The following NINL variants were observed in gnomAD, a reference collection of about 807,000 sequenced individuals.
The protein encoded by NINL is ninein like.
A neutral mutation model predicts 160.3 loss-of-function variants in NINL; 153 were observed. The observed-to-expected ratio is 0.95, with a 90% CI of 0.84 to 1.09. The LOEUF (loss-of-function observed/expected upper bound fraction) is 1.09, where lower values mean the gene tolerates loss of function less well. NINL is among the 50% of genes least tolerant of loss of function. NINL has a pLI of 0.00. For synonymous variants in NINL, 800 were observed against 734.8 expected, an observed-to-expected ratio of 1.09 and a Z score of -1.43; for missense variants, 1,829 against 1,764.0, an observed-to-expected ratio of 1.04 and a Z score of -0.66.
At chr20:25,554,694 C>G (rs1021508705) in intron 1 of NINL, among the ~76,000 whole-genome samples, 11 of 149,098 alleles carry the variant, frequency 7.4e-5, no homozygotes, top group African/African-American at 2.7e-4. Context: ...GTAGTCCTAG[C>G]TATTCAGGAA....
intron 1 of NINL, among the ~76,000 whole-genome samples, chr20:25,561,383 CAA>C (rs1320275049): frequency 6.6e-6 from 1 of 152,116 alleles, no homozygotes; most frequent in Non-Finnish European, 1.5e-5. Context: ...ATCTCGGCTA[CAA>C]CCTCCACCTC....
intron 1 of NINL, among the ~76,000 whole-genome samples, chr20:25,533,553 T>C (rs879421392): frequency 1.3e-5 from 2 of 152,120 alleles, no homozygotes; most frequent in Non-Finnish European, 2.9e-5. Flanking sequence ...TTCCATACAG[T>C]AGTCAAATCA....
chr20:25,498,396 G>A, intron 8 of NINL, 50 bp from the exon 9 acceptor site: 1 of 1,602,962 alleles, frequency 6.2e-7, no homozygotes, highest in Non-Finnish European at 8.5e-7. Context: ...ACTTCCCCAA[G>A]CAGACACCTC....
intron 1 of NINL, among the ~76,000 whole-genome samples, chr20:25,555,997 C>T (rs2064861642): frequency 7.5e-6 from 1 of 132,900 alleles, no homozygotes; most frequent in South Asian, 2.6e-4. Flanking sequence ...AAAAAAAAAA[C>T]AGGCCGGACA....
At chr20:25,567,545 T>A (rs768355367) in intron 1 of NINL, among the ~76,000 whole-genome samples, 20 of 152,012 alleles carry the variant, frequency 1.3e-4, no homozygotes, top group Non-Finnish European at 2.8e-4. Context: ...CCTATCATAT[T>A]CAAACTGCAG....
intron 1 of NINL, among the ~76,000 whole-genome samples, chr20:25,574,352 C>G (rs948648312): frequency 6.6e-5 from 10 of 151,314 alleles, no homozygotes; most frequent in South Asian, 4.2e-4. Context: ...TGCCCACCAC[C>G]GTCTTTTTTT....
chr20:25,510,800 A>G, intron 4 of NINL, 60 bp from the exon 5 acceptor site: 1 of 1,284,394 alleles, frequency 7.8e-7, no homozygotes, highest in Non-Finnish European at 1.1e-6. Flanking sequence ...GGGACGGAGC[A>G]CCGGGAACAA....
chr20:25,579,285 G>A (rs935117132), intron 1 of NINL, among the ~76,000 whole-genome samples: 2 of 152,170 alleles, frequency 1.3e-5, no homozygotes, highest in East Asian at 1.9e-4. Flanking sequence ...CACTCTCTGT[G>A]TGTGAGATGG....
intron 19 of NINL, among the ~76,000 whole-genome samples, chr20:25,466,084 C>T (rs1047386600): frequency 6.6e-6 from 1 of 152,090 alleles, no homozygotes; most frequent in African/African-American, 2.4e-5. Flanking sequence ...TGCAGTGGTA[C>T]GATCTCTACT....
chr20:25,495,406 C>T (rs1254424884), intron 10 of NINL, among the ~76,000 whole-genome samples: 1 of 152,228 alleles, frequency 6.6e-6, no homozygotes, highest in Admixed American at 6.5e-5. Flanking sequence ...GCTAGCCACG[C>T]TCAGCTGAGC....
At chr20:25,474,367 T>C (rs1428860979) in intron 17 of NINL, among the ~76,000 whole-genome samples, 1 of 152,206 alleles carries the variant, frequency 6.6e-6, no homozygotes, top group Non-Finnish European at 1.5e-5. Context: ...TTTTGTGCCT[T>C]GTTAAGCCAC....
chr20:25,498,710 A>G (rs2063808916), intron 8 of NINL, among the ~76,000 whole-genome samples: 1 of 152,182 alleles, frequency 6.6e-6, no homozygotes, highest in African/African-American at 2.4e-5. Flanking sequence ...GAAATAATCT[A>G]TTTTAAGGAT....
intron 1 of NINL, among the ~76,000 whole-genome samples, chr20:25,547,333 G>T (rs2147079828): frequency 6.6e-6 from 1 of 152,286 alleles, no homozygotes; most frequent in South Asian, 2.1e-4. Context: ...CTTGGTCACA[G>T]CTTCATAATA....
intron 17 of NINL, among the ~76,000 whole-genome samples, chr20:25,472,323 GGATATATA>G (rs1266185269): frequency 1.8e-5 from 1 of 54,628 alleles, no homozygotes; most frequent in African/African-American, 6.7e-5. Flanking sequence ...TGGGAGGAGA[GGATATATA>G]TATATATATA....
chr20:25,506,268 A>G (rs963248678), intron 5 of NINL, among the ~76,000 whole-genome samples: 3 of 152,234 alleles, frequency 2.0e-5, no homozygotes, highest in African/African-American at 7.2e-5. Context: ...CTCAGAAAAA[A>G]AAGAGGGTGA....
At chr20:25,460,427 G>A (rs890611543) in intron 21 of NINL, among the ~76,000 whole-genome samples, 17 of 152,278 alleles carry the variant, frequency 1.1e-4, no homozygotes, top group East Asian at 3.9e-4. Context: ...GGTGGCAGGC[G>A]TGGCCCCAGG....
intron 1 of NINL, among the ~76,000 whole-genome samples, chr20:25,561,875 A>G (rs1219993885): frequency 6.7e-6 from 1 of 150,100 alleles, no homozygotes; most frequent in Non-Finnish European, 1.5e-5. Context: ...GTCTCCGCCC[A>G]GCAGCCACCC....
intron 1 of NINL, among the ~76,000 whole-genome samples, chr20:25,575,681 G>A (rs1177990275): frequency 6.6e-6 from 1 of 151,820 alleles, no homozygotes; most frequent in Non-Finnish European, 1.5e-5. Context: ...AACCCAGGAG[G>A]CAAAGGTTGC....
chr20:25,519,880 T>C (rs2064230526), intron 2 of NINL, among the ~76,000 whole-genome samples: 1 of 150,598 alleles, frequency 6.6e-6, no homozygotes, highest in African/African-American at 2.4e-5. Flanking sequence ...GGCATGTGCC[T>C]GTAGACCCAG....
Sources: allele counts gnomAD v4.1 joint callset (sites outside exome capture counted in the v4.1 genomes callset), GRCh38; gene constraint gnomAD v4.1.1; transcripts MANE v1.5; gene names NCBI Gene and HGNC (gene_info 2026-07-23, HGNC 2026-07-21).